The following CACNA2D3 variants were observed in gnomAD, a reference collection of about 807,000 sequenced individuals.
The protein encoded by CACNA2D3 is calcium voltage-gated channel auxiliary subunit alpha2delta 3, also known as voltage-dependent calcium channel subunit alpha-2/delta-3.
In CACNA2D3, 60 loss-of-function variants were observed where a neutral mutation model predicts 160.6. The observed-to-expected ratio is 0.37, with a 90% confidence interval of 0.30 to 0.46. The LOEUF is 0.46. Among genes scored for constraint, CACNA2D3 ranks in the 20% least tolerant of loss-of-function variants. The pLI, the probability that CACNA2D3 is intolerant of heterozygous loss-of-function variation, is 1.00. For synonymous variants in CACNA2D3, 558 were observed against 492.9 expected (o/e 1.13, Z -1.75); for missense variants, 1,205 against 1,365.0 (o/e 0.88, Z 1.85).
At chr3:54,917,570 C>T (rs1418229472) in intron 27 of CACNA2D3, among the ~76,000 whole-genome samples, 1 of 152,214 alleles carries the variant, frequency 6.6e-6, no homozygotes, top group Non-Finnish European at 1.5e-5. Flanking sequence ...CAACTCTATG[C>T]ACTCTGTGCG....
chr3:54,465,797 A>G (rs1427097598), intron 4 of CACNA2D3, among the ~76,000 whole-genome samples: 6 of 152,294 alleles, frequency 3.9e-5, no homozygotes, highest in Admixed American at 1.3e-4. Flanking sequence ...TTATTTCCCA[A>G]TTCTATAAGT....
chr3:54,586,227 G>C (rs1702757839), intron 9 of CACNA2D3, among the ~76,000 whole-genome samples: 1 of 131,656 alleles, frequency 7.6e-6, no homozygotes, highest in African/African-American at 3.0e-5. Flanking sequence ...TTGCACCACT[G>C]CACTCCAGCC....
At chr3:55,052,192 G>A (rs375903273) in intron 35 of CACNA2D3, among the ~76,000 whole-genome samples, 96 of 152,226 alleles carry the variant, frequency 6.3e-4, no homozygotes, top group African/African-American at 2.3e-3. Flanking sequence ...CTTTGACCTT[G>A]AGGTTATTTA....
chr3:54,659,289 C>T (rs924921728), intron 11 of CACNA2D3, among the ~76,000 whole-genome samples: 14 of 152,232 alleles, frequency 9.2e-5, no homozygotes, highest in African/African-American at 2.9e-4. Context: ...ACACAGTGTG[C>T]GTTCAGGGAG....
At chr3:54,449,461 A>G (rs537451317) in intron 4 of CACNA2D3, among the ~76,000 whole-genome samples, 4 of 152,188 alleles carry the variant, frequency 2.6e-5, no homozygotes, top group Non-Finnish European at 5.9e-5. Flanking sequence ...CTTTATATTA[A>G]TTAAAATATA....
intron 8 of CACNA2D3, among the ~76,000 whole-genome samples, chr3:54,570,783 G>A (rs6773369): frequency 0.36 from 55,432 of 151,946 alleles, 11,093 homozygotes; most frequent in Middle Eastern, 0.47. Flanking sequence ...GGAGATCAGG[G>A]AACCAAGCCT....
intron 27 of CACNA2D3, among the ~76,000 whole-genome samples, chr3:54,957,170 T>G (rs55929864): frequency 2.5e-4 from 27 of 108,396 alleles, no homozygotes; most frequent in South Asian, 1.1e-3. Context: ...AATTTTCTTT[T>G]TTTTTTTTTT....
At chr3:55,039,032 G>C (rs1703899589) in intron 35 of CACNA2D3, among the ~76,000 whole-genome samples, 1 of 151,840 alleles carries the variant, frequency 6.6e-6, no homozygotes, top group South Asian at 2.1e-4. Context: ...AACCGGGATT[G>C]TGAAGCAGAG....
intron 12 of CACNA2D3, among the ~76,000 whole-genome samples, chr3:54,759,878 C>G (rs1702048059): frequency 6.6e-6 from 1 of 152,218 alleles, no homozygotes; most frequent in Non-Finnish European, 1.5e-5. Flanking sequence ...TCAAATGAAC[C>G]TGGATTCGAA....
intron 21 of CACNA2D3, among the ~76,000 whole-genome samples, chr3:54,884,608 A>G (rs1699881431): frequency 6.6e-6 from 1 of 152,208 alleles, no homozygotes; most frequent in African/African-American, 2.4e-5. Context: ...AAGTGCAATG[A>G]AACAGTTATC....
At chr3:54,816,295 C>T (rs1041212632) in intron 13 of CACNA2D3, among the ~76,000 whole-genome samples, 1 of 152,128 alleles carries the variant, frequency 6.6e-6, no homozygotes, top group African/African-American at 2.4e-5. Flanking sequence ...TTATATACAG[C>T]AGGGTTTCTC....
At chr3:54,836,336 A>G (rs1047188876) in intron 14 of CACNA2D3, among the ~76,000 whole-genome samples, 2 of 149,212 alleles carry the variant, frequency 1.3e-5, no homozygotes, top group African/African-American at 5.0e-5. Flanking sequence ...CCGGGTTCAC[A>G]CCATTCTCCT....
intron 11 of CACNA2D3, among the ~76,000 whole-genome samples, chr3:54,649,745 G>A (rs1699722681): frequency 6.6e-6 from 1 of 152,156 alleles, no homozygotes; most frequent in Non-Finnish European, 1.5e-5. Context: ...ACTTCCCAAA[G>A]GCCCCAACTC....
chr3:54,654,699 T>C lies in CACNA2D3; in HGVS notation c.1167+12458T>C, dbSNP rs112944976. 3.4e-3 allele frequency among the ~76,000 whole-genome samples: 516 copies of C among 152,248 alleles called. 1 individual carries two copies. Among genetic ancestry groups the C allele is most frequent in the Non-Finnish European group, 5.7e-3 (385 of 68,016 alleles). On this transcript the variant is annotated intron_variant, in intron 11 of 37. Transcript: ENST00000474759. ...AGCTCACAGGAGGGTCCTGTGGGGA[T>C]GCGAATCAGACTTTTTAGGAGGGAG...
At chr3:54,369,378 A>G (rs1337248342) in intron 3 of CACNA2D3, among the ~76,000 whole-genome samples, 1 of 152,086 alleles carries the variant, frequency 6.6e-6, no homozygotes, top group Non-Finnish European at 1.5e-5. Flanking sequence ...AGTCACCTGC[A>G]TGTGCTCAGT....
intron 2 of CACNA2D3, among the ~76,000 whole-genome samples, chr3:54,261,922 C>G (rs1376023266): frequency 6.6e-6 from 1 of 152,288 alleles, no homozygotes; most frequent in East Asian, 1.9e-4. Context: ...ACAGACCCCC[C>G]CATGGTGCCT....
intron 27 of CACNA2D3, among the ~76,000 whole-genome samples, chr3:54,923,540 AAACATGTATCTTTATTTATCATCTTATTT>A (rs1700914519): frequency 1.3e-5 from 2 of 152,138 alleles, no homozygotes; most frequent in African/African-American, 4.8e-5. Flanking sequence ...CTGCTATTCT[AAACATGTATCTTTATTTATCATCTTATTT>A]AACATCTGTT....
At chr3:54,559,529 G>A (rs1029418811) in intron 5 of CACNA2D3, among the ~76,000 whole-genome samples, 1 of 152,128 alleles carries the variant, frequency 6.6e-6, no homozygotes, top group Non-Finnish European at 1.5e-5. Context: ...CTGCCCTCAA[G>A]TGATCTGCCC....
chr3:54,336,542 A>G (rs935394415), intron 3 of CACNA2D3, among the ~76,000 whole-genome samples: 6 of 152,184 alleles, frequency 3.9e-5, no homozygotes, highest in African/African-American at 1.2e-4. Context: ...ATAGCTGTCT[A>G]ATAATTTTAA....
Sources: allele counts gnomAD v4.1 joint callset (sites outside exome capture counted in the v4.1 genomes callset), GRCh38; gene constraint gnomAD v4.1.1; transcripts MANE v1.5; gene names NCBI Gene and HGNC (gene_info 2026-07-23, HGNC 2026-07-21).